The following ANO1 variants were observed in gnomAD, a reference collection of about 807,000 sequenced individuals.
ANO1 encodes anoctamin 1, also known as anoctamin-1.
In ANO1, 59 loss-of-function variants were observed where a neutral mutation model predicts 124.0. The ratio of observed to expected loss-of-function variants is 0.48; its 90% CI spans 0.39 to 0.59. ANO1 has a LOEUF of 0.59. ANO1 is among the 20% of genes least tolerant of loss of function. ANO1 has a pLI of 0.00. For synonymous variants in ANO1, 529 were observed against 532.0 expected, an observed-to-expected ratio of 0.99 and a Z score of 0.08; for missense variants, 1,059 against 1,328.0, an observed-to-expected ratio of 0.80 and a Z score of 3.15.
intron 25 of ANO1, among the ~76,000 whole-genome samples, chr11:70,187,294 T>A (rs1440889293): frequency 6.6e-6 from 1 of 152,234 alleles, no homozygotes; most frequent in Non-Finnish European, 1.5e-5. Flanking sequence ...TTATGTTGCC[T>A]TCTATCCACC....
Position 70,093,863 on chromosome 11 carries a change from G to C in ANO1, c.441+5779G>C, listed in dbSNP as rs185041885. ...TAGGTGGTGGAGACGCAACCTCGGG[G>C]CTCCGAGTGCGGGTTCAGACCCCGC... On this transcript the variant is annotated intron_variant, in intron 2 of 25. Coordinates refer to ENST00000355303, the MANE Select transcript of ANO1 (RefSeq NM_018043.7). Among the ~76,000 whole-genome samples, 15 of 152,374 alleles carry C rather than the reference G, an allele frequency of 9.8e-5. No homozygotes were observed. The East Asian group carries it at 1.7e-3, about 18-fold the overall frequency.
chr11:70,009,818 G>A (rs1555000723), intron 1 of ANO1, among the ~76,000 whole-genome samples: 1 of 152,004 alleles, frequency 6.6e-6, no homozygotes, highest in East Asian at 1.9e-4. Context: ...GGTGGTGTTT[G>A]GTTACATGGA....
At chr11:70,019,038 G>A (rs1311000851) in intron 1 of ANO1, among the ~76,000 whole-genome samples, 1 of 152,254 alleles carries the variant, frequency 6.6e-6, no homozygotes, top group African/African-American at 2.4e-5. Flanking sequence ...ATGTGGCGGA[G>A]GGGGGCCTGT....
At chr11:70,060,434 G>A (rs1857547894) in intron 1 of ANO1, among the ~76,000 whole-genome samples, 1 of 151,692 alleles carries the variant, frequency 6.6e-6, no homozygotes, top group African/African-American at 2.4e-5. Flanking sequence ...CTGAAGAAAG[G>A]GAGAAGATGC....
chr11:70,161,926 G>A (rs952574205), intron 18 of ANO1, among the ~76,000 whole-genome samples, 193 bp downstream of exon 18: 2 of 151,998 alleles, frequency 1.3e-5, no homozygotes, highest in African/African-American at 4.8e-5. Context: ...GCAGCAGGGA[G>A]TCCAGGTGGC....
rs1235598170 is a variant in ANO1, at chr11:70,132,095, G to A, written c.1258+16G>A. 1 of 1,573,060 alleles carries A rather than the reference G, an allele frequency of 6.4e-7. No individual in the cohort carries two copies. The highest frequency in any genetic ancestry group is 8.6e-7 in the Non-Finnish European group (1 of 1,164,598). ...GCCCTCTGGGGTAAGCAGGGCTCCA[G>A]AGCACTGGGTTTTTGGGCAGTGGTG... is the stretch of plus-strand genomic sequence containing the variant. On this transcript the variant is annotated intron_variant, in intron 11 of 25. Transcript: ENST00000355303.
chr11:70,084,902 A>G (rs2044314021), intron 1 of ANO1, among the ~76,000 whole-genome samples: 1 of 152,172 alleles, frequency 6.6e-6, no homozygotes, highest in South Asian at 2.1e-4. Context: ...TGAGCTGGGC[A>G]GCTCACCCGT....
chr11:69,977,209 G>C, the ANO1 span, among the ~76,000 whole-genome samples: 2 of 152,170 alleles, frequency 1.3e-5, no homozygotes, highest in Admixed American at 6.5e-5. Context: ...ACCAACCCTG[G>C]CTTGCGTGAC....
At chr11:70,048,453 G>C (rs1857293674) in intron 1 of ANO1, among the ~76,000 whole-genome samples, 1 of 152,010 alleles carries the variant, frequency 6.6e-6, no homozygotes, top group South Asian at 2.1e-4. Context: ...GCTTAATCAA[G>C]TTTTTGAGAT....
intron 1 of ANO1, among the ~76,000 whole-genome samples, chr11:70,042,882 C>A (rs1224583652): frequency 6.6e-6 from 1 of 152,174 alleles, no homozygotes; most frequent in Admixed American, 6.5e-5. Flanking sequence ...CATGCTCATA[C>A]AGATTCTAAC....
intron 8 of ANO1, among the ~76,000 whole-genome samples, chr11:70,123,490 G>A (rs1208173806): frequency 6.6e-6 from 1 of 152,194 alleles, no homozygotes; most frequent in East Asian, 1.9e-4. Context: ...GAGTTATGGA[G>A]GCTCCAAGGG....
Position 70,187,821 on chromosome 11 carries a change from G to A in ANO1, c.2778G>A (p.Glu926=), listed in dbSNP as rs759383865. The A allele has an allele frequency of 5.0e-6, 8 of 1,609,566 alleles. No individual in the cohort carries two copies. Among genetic ancestry groups the A allele is most frequent in the Non-Finnish European group, 6.8e-6 (8 of 1,178,202 alleles). ...PKDISQQIHK[E]KVLMVELFMR... is the part of the protein sequence containing the mutation. ...ACATCAGCCAGCAGATCCACAAGGA[G>A]AAGGTGCTCATGGTGGAGCTGTTCA... The change falls in exon 26 of 26, where the codon GAG becomes GAA. Residue 926 remains glutamate (E), a synonymous_variant. Transcript: ENST00000355303.
At chr11:70,059,641 T>C (rs1412094990) in intron 1 of ANO1, among the ~76,000 whole-genome samples, 3 of 152,134 alleles carry the variant, frequency 2.0e-5, no homozygotes, top group African/African-American at 4.8e-5. Context: ...TGGGGGCTAG[T>C]GGCATGGCAG....
chr11:70,107,220 G>A, intron 5 of ANO1, among the ~76,000 whole-genome samples: 1 of 152,184 alleles, frequency 6.6e-6, no homozygotes, highest in East Asian at 1.9e-4. Flanking sequence ...TTGGGCACCT[G>A]CTGGGTGGGA....
Position 70,180,055 on chromosome 11 carries a change from A to T in ANO1, c.2402A>T (p.Asn801Ile). 1 of 1,612,180 alleles carries T rather than the reference A, an allele frequency of 6.2e-7. No individual in the cohort carries two copies. Among genetic ancestry groups the T allele is most frequent in the Non-Finnish European group, 8.5e-7 (1 of 1,178,354 alleles). The part of the protein sequence containing the change: ...RGIGKLAVII[N>I]AFVISFTSDF... ...ATTGGGAAGCTTGCTGTCATCATCAATGTAAGTGACATCAGGGACCTTGGC... is the reference window on the plus strand; with the variant it reads ...ATTGGGAAGCTTGCTGTCATCATCATTGTAAGTGACATCAGGGACCTTGGC... The change falls in exon 23 of 26, where the codon AAT becomes ATT. Residue 801 changes from asparagine (N) to isoleucine (I), a missense_variant and splice_region_variant. By Grantham distance (149) the Asn-to-Ile change is moderately radical. Around this residue, in one of 2 missense-constraint regions of ANO1, gnomAD observed 809 missense variants for 1,094.9 expected, o/e 0.74. Transcript: ENST00000355303.
chr11:69,996,025 C>G (rs141881060), intron 1 of ANO1, among the ~76,000 whole-genome samples: 1 of 152,162 alleles, frequency 6.6e-6, no homozygotes, highest in Non-Finnish European at 1.5e-5. Flanking sequence ...ACAGGAGAAT[C>G]GCTTGAACCC....
intron 1 of ANO1, among the ~76,000 whole-genome samples, chr11:70,059,630 T>G (rs901279799): frequency 3.9e-5 from 6 of 152,102 alleles, no homozygotes. Flanking sequence ...TGAGAAAGCC[T>G]TGGGGGCTAG....
At chr11:69,972,291 T>C in the ANO1 span, among the ~76,000 whole-genome samples, 1 of 151,400 alleles carries the variant, frequency 6.6e-6, no homozygotes, top group East Asian at 2.0e-4. Context: ...TATCTCAGCC[T>C]AAAATGTACA....
At chr11:70,075,983 G>A (rs575476642), upstream of ANO1, among the ~76,000 whole-genome samples, 13 of 152,248 alleles carry the variant, frequency 8.5e-5, no homozygotes, top group African/African-American at 2.9e-4. Context: ...ACGAACCCCC[G>A]GCGAAGGCCA....
Sources: allele counts gnomAD v4.1 joint callset (sites outside exome capture counted in the v4.1 genomes callset), GRCh38; gene constraint gnomAD v4.1.1; regional missense constraint gnomAD v4.1.1; transcripts MANE v1.5; gene names NCBI Gene and HGNC (gene_info 2026-07-23, HGNC 2026-07-21).